COL4A4: variants seen among roughly 807,000 people sequenced by gnomAD.
COL4A4 encodes collagen type IV alpha 4 chain, also known as collagen alpha-4(IV) chain.
Under a neutral mutation model 192.9 loss-of-function variants are expected in COL4A4, and 105 were observed. That is an observed-to-expected ratio of 0.54 (90% CI 0.46 to 0.64). The LOEUF (loss-of-function observed/expected upper bound fraction) is 0.64. Ranked by LOEUF, COL4A4 falls within the 30% of genes least tolerant of loss-of-function variation. The pLI is 0.00. For missense variants in COL4A4, 1,967 were observed against 2,169.3 expected, an observed-to-expected ratio of 0.91 and a Z score of 1.85; for synonymous variants, 762 against 769.9, an observed-to-expected ratio of 0.99 and a Z score of 0.17.
chr2:227,088,469 G>A lies in COL4A4; in HGVS notation c.1623+184C>T, dbSNP rs141391634. ...CACCTGCTGTCGTGTAAGACATGCC[G>A]GCTTCCCCTTCTGCCATGATTGTAA... On this transcript the variant is annotated intron_variant, in intron 22 of 47. Coordinates refer to ENST00000396625, the MANE Select transcript of COL4A4 (RefSeq NM_000092.5). 5.8e-3 allele frequency among the ~76,000 whole-genome samples: 887 copies of A among 152,212 alleles called. 5 individuals are homozygous for A. Among genetic ancestry groups the A allele is most frequent in the Middle Eastern group, 0.01 (3 of 294 alleles).
At position 227,080,568 on chromosome 2, in the gene COL4A4, A is replaced by G. The variant is rs778446798; in HGVS notation, c.1697-19T>C. ...TTGTGCCCTGGAAATAGAGGTCAAA[A>G]GATATTCAAGCTCTTATCAGCAGAG... is the stretch of plus-strand genomic sequence containing the variant. On this transcript the variant is annotated intron_variant, in intron 23 of 47. Coordinates refer to ENST00000396625, the MANE Select transcript of COL4A4 (RefSeq NM_000092.5). 1 of 1,597,652 alleles carries G rather than the reference A, an allele frequency of 6.3e-7. No homozygotes were observed. Among genetic ancestry groups the G allele is most frequent in the Non-Finnish European group, 8.6e-7 (1 of 1,165,294 alleles).
At chr2:227,159,989 G>A (rs1435958241) in intron 1 of COL4A4, among the ~76,000 whole-genome samples, 3 of 152,176 alleles carry the variant, frequency 2.0e-5, no homozygotes, top group Non-Finnish European at 4.4e-5. Flanking sequence ...TGTTCACAGG[G>A]ACCATGCTCT....
At chr2:227,029,456 G>A (rs1002216498) in intron 41 of COL4A4, among the ~76,000 whole-genome samples, 4 of 152,212 alleles carry the variant, frequency 2.6e-5, no homozygotes, top group African/African-American at 7.2e-5. Flanking sequence ...TCTACAGGCT[G>A]TGCACTGCAC....
chr2:227,148,128 A>G (rs1452376455), intron 1 of COL4A4, among the ~76,000 whole-genome samples: 1 of 152,232 alleles, frequency 6.6e-6, no homozygotes, highest in Non-Finnish European at 1.5e-5. Context: ...GAGTTACTAT[A>G]TGATCTAGCA....
rs567506718 is a variant in COL4A4, at chr2:227,009,475, G to A, written c.4522+838C>T. 1.4e-4 allele frequency among the ~76,000 whole-genome samples: 22 copies of A among 152,084 alleles called. No individual in the cohort carries two copies. In the South Asian group the frequency reaches 4.6e-3, roughly 32 times the overall value. The stretch of plus-strand genomic sequence containing the variant: ...TCCCAGCACTATGGGAGGCCAAGGC[G>A]GGAAGATCACCTGAGGTCAGATATT... On this transcript the variant is annotated intron_variant, in intron 46 of 47. Coordinates refer to ENST00000396625, the MANE Select transcript of COL4A4 (RefSeq NM_000092.5).
chr2:227,125,408 T>C (rs2062028423), intron 4 of COL4A4, among the ~76,000 whole-genome samples: 1 of 151,840 alleles, frequency 6.6e-6, no homozygotes, highest in South Asian at 2.1e-4. Context: ...TGGGTTTCAC[T>C]GTGTTGGCCA....
At chr2:227,059,315 C>T (rs964467656) in intron 28 of COL4A4, 90 bp downstream of exon 28, 11 of 1,113,468 alleles carry the variant, frequency 9.9e-6, no homozygotes, top group Non-Finnish European at 1.5e-5. Flanking sequence ...ATTCTACATG[C>T]CTAAAGCAAA....
At chr2:227,088,993 G>T (rs1339437899) in intron 21 of COL4A4, among the ~76,000 whole-genome samples, 177 bp from the exon 22 acceptor site, 1 of 152,194 alleles carries the variant, frequency 6.6e-6, no homozygotes, top group African/African-American at 2.4e-5. Context: ...ACTACATGGG[G>T]TGCCTAGGCA....
intron 36 of COL4A4, 27 bp downstream of exon 36, chr2:227,043,050 A>T: frequency 6.6e-7 from 1 of 1,516,280 alleles, no homozygotes; most frequent in Non-Finnish European, 9.1e-7. Context: ...AGTGCTCAGG[A>T]AGTCTCCAGA....
chr2:227,088,788 A>G lies in COL4A4; in HGVS notation c.1488T>C (p.Pro496=), dbSNP rs1405969453. 7 of 1,614,070 alleles carry G rather than the reference A, an allele frequency of 4.3e-6. No individual in the cohort carries two copies. The African/African-American group carries it at 8.0e-5, about 18-fold the overall frequency. ...KGNEGLCACE[P]GPMGPPGPPG... ...GAGGGCCAGGGGGGCCCATGGGTCC[A>G]GGCTCACAGGCACAGAGTCCTTCAT... The change falls in exon 22 of 48, where the codon CCT becomes CCC. Residue 496 remains proline, a synonymous_variant. Coordinates refer to ENST00000396625, the MANE Select transcript of COL4A4 (RefSeq NM_000092.5).
Position 227,103,972 on chromosome 2 carries a change from C to A in COL4A4, c.816G>T (p.Lys272Asn). The stretch of plus-strand genomic sequence containing the variant: ...GGTGACATATGGATTTGGGAATTAC[C>A]TTTTCTCCTTTATAGAGACAAAAGT... ...PPDFCLYKGE[K>N]GIKGIPGMVG... The change falls in exon 13 of 48, where the codon AAG (lysine) becomes AAT (asparagine). Residue 272 changes from lysine (K) to asparagine (N), a missense_variant and splice_region_variant. Lys to Asn is a moderately conservative substitution (Grantham distance 94). Transcript: ENST00000396625. The A allele has an allele frequency of 6.2e-7, 1 of 1,612,394 alleles. No homozygotes were observed.
At chr2:227,153,404 G>C (rs968331549) in intron 1 of COL4A4, among the ~76,000 whole-genome samples, 1 of 152,216 alleles carries the variant, frequency 6.6e-6, no homozygotes, top group Admixed American at 6.5e-5. Context: ...TTATTCTCAA[G>C]AAGGGAGCAT....
intron 8 of COL4A4, among the ~76,000 whole-genome samples, chr2:227,112,549 G>A (rs564834719): frequency 6.6e-5 from 10 of 152,300 alleles, no homozygotes; most frequent in South Asian, 2.1e-4. Context: ...GATTACAGGC[G>A]TGAGCCACCA....
At chr2:227,046,577 T>C (rs1164629561) in intron 35 of COL4A4, among the ~76,000 whole-genome samples, 1 of 152,108 alleles carries the variant, frequency 6.6e-6, no homozygotes, top group African/African-American at 2.4e-5. Context: ...TCAAGCGATA[T>C]GCATATTTTA....
At position 227,121,142 on chromosome 2, in the gene COL4A4, G is replaced by C. The variant is rs755183371; in HGVS notation, c.199C>G (p.Pro67Ala). Residue 67 changes from proline (P) to alanine (A), a missense_variant, in exon 5 of 48, where the codon CCA becomes GCA. Transcript: ENST00000396625. ...CVPEKGSRGP[P>A]GPPGPQGPIG... ...GGACCCTGTGGCCCTGGTGGTCCTG[G>C]TGGACCCTGAGAAGGAAGATTAAAA... is the stretch of plus-strand genomic sequence containing the variant. The C allele has an allele frequency of 3.1e-6, 5 of 1,614,044 alleles. No individual in the cohort carries two copies. In the Admixed American group the frequency reaches 6.7e-5, roughly 22 times the overall value.
At chr2:227,087,311 C>G (rs1222821760) in intron 22 of COL4A4, among the ~76,000 whole-genome samples, 1 of 152,192 alleles carries the variant, frequency 6.6e-6, no homozygotes, top group Non-Finnish European at 1.5e-5. Context: ...TCATCTGAAT[C>G]CTTAAGTTGA....
chr2:226,971,238 G>A, the COL4A4 span, among the ~76,000 whole-genome samples: 1 of 152,186 alleles, frequency 6.6e-6, no homozygotes, highest in Non-Finnish European at 1.5e-5. Flanking sequence ...TGGCAGAACC[G>A]AGGCAGGTGC....
In COL4A4 at chr2:227,024,004, C is replaced by CA. The variant is rs61317428; in HGVS notation, c.4090+1797dup. On this transcript the variant is annotated intron_variant, in intron 43 of 47. Transcript: ENST00000396625. ...CTGGTGACAGAGCAAGACTCTGTCT[C>CA]AAAAAAAAAAAACAAAAAACAAACA... Among the ~76,000 whole-genome samples, 421 of 137,518 alleles carry CA rather than the reference C, an allele frequency of 3.1e-3. 5 individuals are homozygous for CA. Among genetic ancestry groups the CA allele is most frequent in the Admixed American group, 3.9e-3 (53 of 13,686 alleles). The allele number at this position is 137,518 out of a possible 152,430, so 90.2% of individuals were successfully genotyped here. A position where few individuals can be genotyped will look rare whatever the true frequency, so the allele number is the denominator to read the frequency against.
At chr2:227,150,921 A>G (rs1328656093) in intron 1 of COL4A4, among the ~76,000 whole-genome samples, 1 of 149,920 alleles carries the variant, frequency 6.7e-6, no homozygotes, top group African/African-American at 2.5e-5. Flanking sequence ...TTTTTTTAAC[A>G]TCTTAAAACT....
Sources: gnomAD v4.1 joint callset for allele counts (sites outside exome capture counted in the v4.1 genomes callset) on GRCh38, gnomAD v4.1.1 for gene constraint, MANE v1.5 for transcripts, NCBI Gene and HGNC (gene_info 2026-07-23, HGNC 2026-07-21) for gene names.